ROBO2: variants seen among roughly 807,000 people sequenced by gnomAD.
ROBO2 encodes the protein roundabout guidance receptor 2.
Under a neutral mutation model 160.8 loss-of-function variants are expected in ROBO2, and 53 were observed. The observed-to-expected ratio is 0.33, with a 90% confidence interval of 0.26 to 0.41. ROBO2 has a LOEUF of 0.41. Ranked by LOEUF, ROBO2 falls within the 10% of genes least tolerant of loss-of-function variation. The pLI, the probability that ROBO2 is intolerant of heterozygous loss-of-function variation, is 1.00. For missense variants in ROBO2, 1,577 were observed against 1,722.4 expected (o/e 0.92, Z 1.49); for synonymous variants, 664 against 611.7 (o/e 1.09, Z -1.26).
intron 2 of ROBO2, among the ~76,000 whole-genome samples, chr3:77,229,149 A>G (rs967934527): frequency 6.6e-6 from 1 of 152,088 alleles, no homozygotes; most frequent in Non-Finnish European, 1.5e-5. Context: ...GGCAGCAGCT[A>G]TTGGTTATTG....
intron 16 of ROBO2, among the ~76,000 whole-genome samples, chr3:77,582,467 G>A (rs1013488001): frequency 6.6e-6 from 1 of 151,966 alleles, no homozygotes; most frequent in African/African-American, 2.4e-5. Flanking sequence ...TGTAATCATT[G>A]GTGTGTTTGT....
At chr3:77,623,211 C>T (rs925141630) in intron 23 of ROBO2, among the ~76,000 whole-genome samples, 2 of 152,146 alleles carry the variant, frequency 1.3e-5, no homozygotes, top group African/African-American at 4.8e-5. Flanking sequence ...TAGATATACA[C>T]TGTTGGACAC....
rs564462862 is a variant in ROBO2, at chr3:76,842,231, G to A, written c.110-255783G>A. Among the ~76,000 whole-genome samples the A allele has an allele frequency of 1.2e-3, 179 of 152,300 alleles. 1 individual carries two copies. Among genetic ancestry groups the A allele is most frequent in the Non-Finnish European group, 2.2e-3 (150 of 68,022 alleles). ...TATTACGGCTGTTGCTGTTGTAAGTGGAGCACACCCCAAATTCAATATTCA... is the reference window on the plus strand; with the variant it reads ...TATTACGGCTGTTGCTGTTGTAAGTAGAGCACACCCCAAATTCAATATTCA... On this transcript the variant is annotated intron_variant, in intron 2 of 26. Coordinates refer to the ROBO2 transcript ENST00000487694.
intron 2 of ROBO2, among the ~76,000 whole-genome samples, chr3:76,194,723 G>C (rs1702179907): frequency 6.6e-6 from 1 of 151,820 alleles, no homozygotes; most frequent in African/African-American, 2.4e-5. Flanking sequence ...TGGTTCAAGT[G>C]ATTCTCCTGC....
At chr3:77,364,640 A>C (rs2070561389) in intron 2 of ROBO2, among the ~76,000 whole-genome samples, 1 of 151,234 alleles carries the variant, frequency 6.6e-6, no homozygotes, top group African/African-American at 2.4e-5. Flanking sequence ...AGTTTCTCTA[A>C]GCTCAACTGA....
chr3:76,901,627 T>C (rs1169053452), intron 2 of ROBO2, among the ~76,000 whole-genome samples: 1 of 151,298 alleles, frequency 6.6e-6, no homozygotes, highest in Admixed American at 6.6e-5. Context: ...AAAATATTTA[T>C]TCCAAATGCA....
chr3:76,322,164 G>GTGTATATA (rs2072587425), intron 2 of ROBO2, among the ~76,000 whole-genome samples: 1 of 108,156 alleles, frequency 9.2e-6, no homozygotes, highest in Non-Finnish European at 1.8e-5. Flanking sequence ...TACTTCTTCC[G>GTGTATATA]TATATATATA....
rs533852618 is a variant in ROBO2, at chr3:77,030,116, C to T, written c.110-67898C>T. ...CCCGCCACCACGCCCGGCTAATTTT[C>T]TGTATTTTTAGTAGAGACGGGGTTT... is the stretch of plus-strand genomic sequence containing the variant. On this transcript the variant is annotated intron_variant, in intron 2 of 26. Transcript: ENST00000487694. Among the ~76,000 whole-genome samples, 11 of 151,886 alleles carry T rather than the reference C, an allele frequency of 7.2e-5. No homozygotes were observed. In the South Asian group the frequency reaches 1.7e-3, roughly 23 times the overall value.
intron 2 of ROBO2, among the ~76,000 whole-genome samples, chr3:76,470,238 A>G (rs1156368254): frequency 2.0e-5 from 3 of 152,196 alleles, no homozygotes; most frequent in African/African-American, 7.2e-5. Context: ...CAGATTTAAA[A>G]TTGATAAGTG....
chr3:76,398,972 T>C (rs540914576), intron 2 of ROBO2, among the ~76,000 whole-genome samples: 36 of 151,918 alleles, frequency 2.4e-4, no homozygotes, highest in African/African-American at 8.4e-4. Flanking sequence ...ACTTTGAAGT[T>C]AACTAAATTA....
At chr3:77,282,356 G>A (rs1271657214) in intron 2 of ROBO2, among the ~76,000 whole-genome samples, 3 of 151,888 alleles carry the variant, frequency 2.0e-5, no homozygotes, top group Non-Finnish European at 2.9e-5. Flanking sequence ...ACTGTAATTA[G>A]GCTGTTGTAT....
chr3:77,045,030 G>T (rs1286046132), intron 1 of ROBO2, among the ~76,000 whole-genome samples: 1 of 152,046 alleles, frequency 6.6e-6, no homozygotes, highest in East Asian at 1.9e-4. Flanking sequence ...TTTGTGAGGG[G>T]CTTGGAACAC....
intron 2 of ROBO2, among the ~76,000 whole-genome samples, chr3:76,472,747 G>T (rs1484581297): frequency 6.6e-6 from 1 of 152,142 alleles, no homozygotes; most frequent in Non-Finnish European, 1.5e-5. Context: ...AAACAAAGAT[G>T]CTTGAAAGGC....
rs189684131 is a variant in ROBO2 at position 75,957,210 on chromosome 3, C to T, written c.109+19608C>T. On this transcript the variant is annotated intron_variant, in intron 2 of 26. Transcript: ENST00000487694. ...TTGGAATTCCAGGTAACTGTATACACGCACACACACACAAAACACACACGC... is the reference window on the plus strand; with the variant it reads ...TTGGAATTCCAGGTAACTGTATACATGCACACACACACAAAACACACACGC... 1.7e-4 allele frequency among the ~76,000 whole-genome samples: 24 copies of T among 142,518 alleles called. No homozygotes were observed. In the East Asian group the frequency reaches 3.4e-3, roughly 20 times the overall value. The allele number at this position is 142,518 out of a possible 152,430, so 93.5% of individuals were successfully genotyped here. A position where few individuals can be genotyped will look rare whatever the true frequency, so the allele number is the denominator to read the frequency against.
At chr3:77,415,610 TG>T (rs2077153784) in intron 2 of ROBO2, among the ~76,000 whole-genome samples, 1 of 152,158 alleles carries the variant, frequency 6.6e-6, no homozygotes, top group South Asian at 2.1e-4. Flanking sequence ...CTTGGCCCAG[TG>T]GGCTGCACTC....
intron 2 of ROBO2, among the ~76,000 whole-genome samples, chr3:76,691,188 C>T (rs995619061): frequency 6.6e-6 from 1 of 152,036 alleles, no homozygotes; most frequent in Non-Finnish European, 1.5e-5. Flanking sequence ...GGAATGGGCT[C>T]CTAACAAAGG....
chr3:77,263,929 T>A (rs1334818806), intron 2 of ROBO2, among the ~76,000 whole-genome samples: 1 of 152,056 alleles, frequency 6.6e-6, no homozygotes, highest in African/African-American at 2.4e-5. Flanking sequence ...TGTTCTCAGA[T>A]GTAAAATAAA....
At chr3:77,259,250 A>G (rs138057109) in intron 2 of ROBO2, among the ~76,000 whole-genome samples, 1 of 152,336 alleles carries the variant, frequency 6.6e-6, no homozygotes, top group East Asian at 1.9e-4. Flanking sequence ...GATGAGAATC[A>G]TAAGATTCAT....
chr3:76,704,784 G>C (rs921246685), intron 2 of ROBO2, among the ~76,000 whole-genome samples: 10 of 152,128 alleles, frequency 6.6e-5, no homozygotes, highest in African/African-American at 2.4e-4. Flanking sequence ...AAAAATTAAG[G>C]TCATAGCTAA....
Sources: allele counts gnomAD v4.1 joint callset (sites outside exome capture counted in the v4.1 genomes callset), GRCh38; gene constraint gnomAD v4.1.1; transcripts MANE v1.5; gene names NCBI Gene and HGNC (gene_info 2026-07-23, HGNC 2026-07-21).